The following TMEM135 variants were observed in gnomAD, a reference collection of about 807,000 sequenced individuals.
TMEM135 encodes transmembrane protein 135.
Under a neutral mutation model 60.3 loss-of-function variants are expected in TMEM135, and 30 were observed. The observed-to-expected ratio is 0.50, with a 90% CI of 0.37 to 0.68. The LOEUF is 0.68. Ranked by LOEUF, TMEM135 falls within the 30% of genes least tolerant of loss-of-function variation. TMEM135 has a pLI of 0.00. For synonymous variants in TMEM135, 190 were observed against 186.7 expected (o/e 1.02, Z -0.14); for missense variants, 468 against 548.8 (o/e 0.85, Z 1.47).
At chr11:87,083,082 CAATT>C (rs1463072413) in intron 3 of TMEM135, among the ~76,000 whole-genome samples, 1 of 152,150 alleles carries the variant, frequency 6.6e-6, no homozygotes, top group Non-Finnish European at 1.5e-5. Flanking sequence ...ATCCATTCAT[CAATT>C]ACCCCCTCCC....
chr11:87,233,356 T>C (rs1444588728), intron 5 of TMEM135, among the ~76,000 whole-genome samples: 1 of 152,016 alleles, frequency 6.6e-6, no homozygotes, highest in Non-Finnish European at 1.5e-5. Context: ...AGCAGGAAAC[T>C]ATTATATGCT....
chr11:87,302,432 G>A lies in TMEM135; in HGVS notation c.688G>A (p.Val230Met). The A allele has an allele frequency of 6.2e-7, 1 of 1,613,812 alleles. No homozygotes were observed. Among genetic ancestry groups the A allele is most frequent in the Non-Finnish European group, 8.5e-7 (1 of 1,179,862 alleles). ...TATGATTGGTCTAGTCAGGAAATTT[G>A]TGGATTCAATGTGAGCTCTTTATCT... ...MNMIGLVRKFVDSICKHGPRH... is the reference protein window; with the variant it reads ...MNMIGLVRKFMDSICKHGPRH... Residue 230 changes from valine (V) to methionine (M), a missense_variant, in exon 8 of 15, where the codon GTG becomes ATG. Val to Met is a conservative substitution (Grantham distance 21, BLOSUM62 1). Coordinates refer to ENST00000305494, the MANE Select transcript of TMEM135 (RefSeq NM_022918.4).
chr11:87,125,481 G>GAAT (rs1251553654), intron 4 of TMEM135, among the ~76,000 whole-genome samples: 3 of 152,156 alleles, frequency 2.0e-5, no homozygotes, highest in African/African-American at 7.2e-5. Context: ...AGAGTGTAAT[G>GAAT]AATAATAAGT....
chr11:87,200,338 C>G (rs1276690788), intron 5 of TMEM135, among the ~76,000 whole-genome samples: 1 of 152,090 alleles, frequency 6.6e-6, no homozygotes, highest in African/African-American at 2.4e-5. Flanking sequence ...TTTTGGTAAT[C>G]TTGGAATTCA....
chr11:87,242,697 T>A (rs1941167047), intron 6 of TMEM135, among the ~76,000 whole-genome samples: 1 of 142,584 alleles, frequency 7.0e-6, no homozygotes, highest in Non-Finnish European at 1.5e-5. Flanking sequence ...TTTGATGGGG[T>A]TGTTTGTTTT....
chr11:87,274,640 C>G (rs1953058094), intron 6 of TMEM135, among the ~76,000 whole-genome samples: 1 of 151,970 alleles, frequency 6.6e-6, no homozygotes, highest in South Asian at 2.1e-4. Flanking sequence ...TCCTCATATT[C>G]TCATATTAAA....
At position 87,067,705 on chromosome 11, in the gene TMEM135, T is replaced by G; in HGVS notation, c.153T>G (p.Ile51Met). ...IYAPLYLIAA[I>M]LRKRKLDYYL... Reference sequence around the variant, plus strand: ...CTTTCTCTTTCCAGATTGCAGCAATTCTCCGGAAACGGAAATTAGACTATT... The same window carrying G: ...CTTTCTCTTTCCAGATTGCAGCAATGCTCCGGAAACGGAAATTAGACTATT... The change falls in exon 2 of 15, where the codon ATT becomes ATG. Residue 51 changes from isoleucine to methionine, a missense_variant. Ile to Met is a conservative substitution (Grantham distance 10). Transcript: ENST00000305494. The G allele has an allele frequency of 6.2e-7, 1 of 1,613,738 alleles. No homozygotes were observed. Among genetic ancestry groups the G allele is most frequent in the Non-Finnish European group, 8.5e-7 (1 of 1,179,838 alleles).
At chr11:87,073,679 T>A (rs1283259884) in intron 3 of TMEM135, among the ~76,000 whole-genome samples, 1 of 152,056 alleles carries the variant, frequency 6.6e-6, no homozygotes, top group Non-Finnish European at 1.5e-5. Flanking sequence ...TTTATTTTTT[T>A]TTTTTTGAGA....
chr11:87,129,906 G>A (rs1937868727), intron 4 of TMEM135, among the ~76,000 whole-genome samples: 1 of 142,542 alleles, frequency 7.0e-6, no homozygotes, highest in African/African-American at 2.6e-5. Flanking sequence ...TGGAAAAAAT[G>A]TACCCTAAAT....
In TMEM135 at chr11:87,308,076, A is replaced by G. The variant is rs865810326; in HGVS notation, c.769-1429A>G. On this transcript the variant is annotated intron_variant, in intron 9 of 14. Coordinates refer to ENST00000305494, the MANE Select transcript of TMEM135 (RefSeq NM_022918.4). Reference sequence around the variant, plus strand: ...GTGTCTTGATTACTTCCTTCCTAACATTTATTATAATCTTTTGTATTTGTT... The same window carrying G: ...GTGTCTTGATTACTTCCTTCCTAACGTTTATTATAATCTTTTGTATTTGTT... Among the ~76,000 whole-genome samples the G allele has an allele frequency of 2.6e-5, 4 of 152,196 alleles. No homozygotes were observed. In the South Asian group the frequency reaches 8.3e-4, roughly 32 times the overall value.
intron 9 of TMEM135, among the ~76,000 whole-genome samples, chr11:87,308,618 G>A (rs1942590852): frequency 6.6e-6 from 1 of 152,108 alleles, no homozygotes; most frequent in Non-Finnish European, 1.5e-5. Flanking sequence ...AGAGGAGGAG[G>A]ATGGGACACC....
intron 4 of TMEM135, among the ~76,000 whole-genome samples, chr11:87,134,045 T>G (rs895926059): frequency 6.6e-6 from 1 of 151,852 alleles, no homozygotes; most frequent in African/African-American, 2.4e-5. Flanking sequence ...GGGGTGCTGG[T>G]TATATTAGTT....
In TMEM135 at chr11:87,323,587, T is replaced by C. The variant is rs1019584377; in HGVS notation, c.*2254T>C. ...AATGGTAAGTTTTCACTGGAACTGA[T>C]TACAGTAAACAATAATATGTCCCCT... is the stretch of plus-strand genomic sequence containing the variant. On this transcript the variant is annotated 3_prime_UTR_variant, in exon 15 of 15. Transcript: ENST00000305494. The C allele has an allele frequency of 4.4e-6, 2 of 453,574 alleles. No homozygotes were observed. Among genetic ancestry groups the C allele is most frequent in the African/African-American group, 4.0e-5 (2 of 49,992 alleles). 28.1% of individuals were successfully genotyped at this position (453,574 alleles called of 1,614,324 possible).
In TMEM135 at chr11:87,221,761, C is replaced by A. The variant is rs899573054; in HGVS notation, c.463-14877C>A. Among the ~76,000 whole-genome samples, 4 of 152,188 alleles carry A rather than the reference C, an allele frequency of 2.6e-5. 1 individual carries two copies. Among genetic ancestry groups the A allele is most frequent in the Admixed American group, 6.5e-5 (1 of 15,288 alleles). ...TTTTACAGTTTCACTAGATTTTCAT[C>A]CCTATGTTTATTATCAAAATCATTT... On this transcript the variant is annotated intron_variant, in intron 5 of 14. Transcript: ENST00000305494.
Position 87,233,144 on chromosome 11 carries a change from C to T in TMEM135, c.463-3494C>T, listed in dbSNP as rs139958171. Among the ~76,000 whole-genome samples, 454 of 151,756 alleles carry T rather than the reference C, an allele frequency of 3.0e-3. 4 individuals carry two copies. The highest frequency in any genetic ancestry group is 9.5e-3 in the African/African-American group (394 of 41,390). On this transcript the variant is annotated intron_variant, in intron 5 of 14. Coordinates refer to ENST00000305494, the MANE Select transcript of TMEM135 (RefSeq NM_022918.4). ...TTAGCCTGGTGACAGAGTGAGAGTC[C>T]GTCTCAAAAAACAAAGCAAAACAGA... is the stretch of plus-strand genomic sequence containing the variant.
intron 6 of TMEM135, among the ~76,000 whole-genome samples, chr11:87,239,419 T>C (rs1181895696): frequency 1.3e-5 from 2 of 151,942 alleles, no homozygotes; most frequent in Non-Finnish European, 2.9e-5. Context: ...CTAGCTTGTG[T>C]TGGGAATGAA....
intron 1 of TMEM135, among the ~76,000 whole-genome samples, chr11:87,043,741 A>AC (rs1457476246): frequency 2.0e-5 from 3 of 151,778 alleles, no homozygotes; most frequent in African/African-American, 7.3e-5. Context: ...AAACAAACAA[A>AC]CAAAAAAAAC....
intron 4 of TMEM135, among the ~76,000 whole-genome samples, chr11:87,152,876 T>G (rs1938591718): frequency 6.6e-6 from 1 of 152,232 alleles, no homozygotes; most frequent in African/African-American, 2.4e-5. Context: ...AATCAACTCT[T>G]TATACACTGA....
chr11:87,112,278 A>G (rs984817738), intron 4 of TMEM135, among the ~76,000 whole-genome samples: 2 of 152,156 alleles, frequency 1.3e-5, no homozygotes, highest in African/African-American at 4.8e-5. Context: ...TTAGGAATTA[A>G]ATTATTCAAG....
Sources: gnomAD v4.1 joint callset for allele counts (sites outside exome capture counted in the v4.1 genomes callset) on GRCh38, gnomAD v4.1.1 for gene constraint, MANE v1.5 for transcripts, NCBI Gene and HGNC (gene_info 2026-07-23, HGNC 2026-07-21) for gene names.